The following TCF4 variants were observed in gnomAD, a reference collection of about 807,000 sequenced individuals.
The protein encoded by TCF4 is transcription factor 4, also known as SL3-3 enhancer factor 2.
A neutral mutation model predicts 82.1 loss-of-function variants in TCF4; 3 were observed. That is an observed-to-expected ratio of 0.04 (90% CI 0.02 to 0.09). TCF4 has a LOEUF of 0.09. TCF4 is among the 10% of genes least tolerant of loss of function. The probability of loss-of-function intolerance (pLI) is 1.00; values close to 1 mark genes in which losing one functional copy is unlikely to be tolerated. For synonymous variants in TCF4, 276 were observed against 309.6 expected, an observed-to-expected ratio of 0.89 and a Z score of 1.14; for missense variants, 518 against 852.7, an observed-to-expected ratio of 0.61 and a Z score of 4.89.
At chr18:55,276,693 G>A (rs1362430108) in intron 9 of TCF4, among the ~76,000 whole-genome samples, 1 of 152,152 alleles carries the variant, frequency 6.6e-6, no homozygotes, top group African/African-American at 2.4e-5. Context: ...TTAACAAAAA[G>A]TATTGAGTAC....
intron 5 of TCF4, among the ~76,000 whole-genome samples, chr18:55,458,085 G>A (rs773224727): frequency 5.3e-5 from 8 of 151,896 alleles, no homozygotes; most frequent in Non-Finnish European, 7.4e-5. Flanking sequence ...AAAAAATCAG[G>A]TCATCTGCAG....
intron 3 of TCF4, among the ~76,000 whole-genome samples, chr18:55,524,007 A>G (rs2096956226): frequency 6.6e-6 from 1 of 152,142 alleles, no homozygotes; most frequent in South Asian, 2.1e-4. Flanking sequence ...AAAATTTAGA[A>G]GGTATTGCCG....
chr18:55,358,326 T>A (rs1225136351), intron 6 of TCF4, among the ~76,000 whole-genome samples: 3 of 152,230 alleles, frequency 2.0e-5, no homozygotes, highest in Non-Finnish European at 4.4e-5. Flanking sequence ...CTGCTGCTCA[T>A]CATAACCACC....
intron 5 of TCF4, among the ~76,000 whole-genome samples, chr18:55,426,134 CATAT>C: frequency 7.2e-6 from 1 of 139,740 alleles, no homozygotes; most frequent in South Asian, 2.1e-4. Context: ...CACACACACA[CATAT>C]ATTTTCATAC....
intron 15 of TCF4, among the ~76,000 whole-genome samples, chr18:55,237,370 G>C (rs930241036): frequency 3.3e-5 from 5 of 151,710 alleles, no homozygotes; most frequent in Non-Finnish European, 7.4e-5. Context: ...TTGGATTTTA[G>C]GCCCATATGT....
intron 8 of TCF4, among the ~76,000 whole-genome samples, chr18:55,340,346 G>A (rs573433451): frequency 1.3e-5 from 2 of 152,078 alleles, no homozygotes; most frequent in East Asian, 3.9e-4. Context: ...TAAAAGGGCT[G>A]ACTACGTGTC....
chr18:55,245,537 C>T (rs1044259931), intron 15 of TCF4, among the ~76,000 whole-genome samples: 1 of 152,184 alleles, frequency 6.6e-6, no homozygotes, highest in African/African-American at 2.4e-5. Flanking sequence ...CTGGAGCTGC[C>T]GTGCTGTGGA....
chr18:55,314,010 A>T (rs565494823), intron 8 of TCF4, among the ~76,000 whole-genome samples: 30 of 152,284 alleles, frequency 2.0e-4, no homozygotes, highest in African/African-American at 7.0e-4. Flanking sequence ...ACTTGTATGA[A>T]AAAAGTTGAC....
At chr18:55,451,735 C>A (rs2144384834) in intron 5 of TCF4, among the ~76,000 whole-genome samples, 1 of 152,264 alleles carries the variant, frequency 6.6e-6, no homozygotes, top group South Asian at 2.1e-4. Context: ...TTAATCGCAA[C>A]CCCGCCACCC....
intron 2 of TCF4, among the ~76,000 whole-genome samples, chr18:55,628,527 G>C (rs1211108882): frequency 6.6e-6 from 1 of 151,530 alleles, no homozygotes; most frequent in Non-Finnish European, 1.5e-5. Flanking sequence ...GTTGTGTTTA[G>C]TGGGCCTCCT....
chr18:55,580,179 AATTT>A (rs2097563113), intron 3 of TCF4, among the ~76,000 whole-genome samples: 2 of 151,984 alleles, frequency 1.3e-5, no homozygotes, highest in African/African-American at 4.8e-5. Context: ...CTGCCTTCTG[AATTT>A]AGAAAATGTA....
intron 2 of TCF4, among the ~76,000 whole-genome samples, chr18:55,615,457 T>C (rs971689380): frequency 6.6e-6 from 1 of 152,004 alleles, no homozygotes; most frequent in Non-Finnish European, 1.5e-5. Context: ...GCTACATAGG[T>C]GATCATGTCT....
At chr18:55,514,042 G>C (rs2096855169) in intron 3 of TCF4, among the ~76,000 whole-genome samples, 1 of 152,030 alleles carries the variant, frequency 6.6e-6, no homozygotes, top group Non-Finnish European at 1.5e-5. Context: ...GATTTGCTTT[G>C]CATGTAAATT....
chr18:55,307,986 G>C (rs547192961), intron 8 of TCF4, among the ~76,000 whole-genome samples: 2 of 152,174 alleles, frequency 1.3e-5, no homozygotes, highest in South Asian at 4.1e-4. Context: ...GCCACCTATG[G>C]TTATCACTGA....
intron 3 of TCF4, among the ~76,000 whole-genome samples, chr18:55,502,011 T>G (rs2096707531): frequency 6.6e-6 from 1 of 152,176 alleles, no homozygotes; most frequent in African/African-American, 2.4e-5. Flanking sequence ...AGGAGAATAT[T>G]TGTTCTAAAT....
At chr18:55,451,739 G>A (rs186359817) in intron 5 of TCF4, among the ~76,000 whole-genome samples, 20 of 152,214 alleles carry the variant, frequency 1.3e-4, no homozygotes, top group African/African-American at 4.3e-4. Context: ...TCGCAACCCC[G>A]CCACCCAAGA....
chr18:55,586,116 AGAGGAGGAG>A (rs987632444), intron 2 of TCF4: 2 of 1,412,814 alleles, frequency 1.4e-6, no homozygotes, highest in Admixed American at 2.2e-5. Context: ...AAGGTCTAGA[AGAGGAGGAG>A]GAGGAGGAGA....
At chr18:55,585,544 ACT>A in intron 2 of TCF4, 192 bp from the exon 3 acceptor site, 2 of 655,186 alleles carry the variant, frequency 3.1e-6, no homozygotes, top group South Asian at 2.0e-5. Context: ...CCCCATTATC[ACT>A]CTGTTCTTTC....
chr18:55,450,807 G>A (rs1244932887), intron 5 of TCF4, among the ~76,000 whole-genome samples: 5 of 152,196 alleles, frequency 3.3e-5, no homozygotes, highest in Non-Finnish European at 7.3e-5. Flanking sequence ...ACCTTGTAGT[G>A]ACTCCATTAT....
Sources: gnomAD v4.1 joint callset for allele counts (sites outside exome capture counted in the v4.1 genomes callset) on GRCh38, gnomAD v4.1.1 for gene constraint, MANE v1.5 for transcripts, NCBI Gene and HGNC (gene_info 2026-07-23, HGNC 2026-07-21) for gene names.